The following RBMS3 variants were observed in gnomAD, a reference collection of about 807,000 sequenced individuals.
RBMS3 encodes the protein RNA-binding motif, single-stranded-interacting protein 3.
RBMS3 carries 27 observed loss-of-function variants against 66.8 expected under a neutral mutation model. The ratio of observed to expected loss-of-function variants is 0.40; its 90% CI spans 0.30 to 0.56. The LOEUF is 0.56. RBMS3 is among the 20% of genes least tolerant of loss of function. The pLI is 0.40. For missense variants in RBMS3, 513 were observed against 549.5 expected, an observed-to-expected ratio of 0.93 and a Z score of 0.66; for synonymous variants, 188 against 183.0, an observed-to-expected ratio of 1.03 and a Z score of -0.22.
At chr3:29,918,861 A>G (rs1341003682) in intron 10 of RBMS3, among the ~76,000 whole-genome samples, 3 of 152,066 alleles carry the variant, frequency 2.0e-5, no homozygotes, top group Non-Finnish European at 2.9e-5. Flanking sequence ...TAAGTCTAAA[A>G]GATCAAAGAA....
chr3:29,559,510 C>CAAAAAAAA lies in RBMS3; in HGVS notation c.308-27568_308-27561dup. On this transcript the variant is annotated intron_variant, in intron 3 of 14. Coordinates refer to ENST00000383767, the MANE Select transcript of RBMS3 (RefSeq NM_001003793.3). ...TGGGTGACAGAGGAAGACTCTGTCT[C>CAAAAAAAA]AAAAAAAAAAAAAAAAAAAAAAAAA... 2.0e-3 allele frequency among the ~76,000 whole-genome samples: 81 copies of CAAAAAAAA among 41,328 alleles called. 9 individuals are homozygous for CAAAAAAAA. The highest frequency in any genetic ancestry group is 3.1e-3 in the African/African-American group (42 of 13,390). 27.1% of individuals were successfully genotyped at this position (41,328 alleles called of 152,430 possible).
At chr3:29,316,807 G>A (rs1304125393) in intron 1 of RBMS3, among the ~76,000 whole-genome samples, 1 of 151,620 alleles carries the variant, frequency 6.6e-6, no homozygotes, top group East Asian at 1.9e-4. Context: ...TTGTGTAAGT[G>A]GTGATGTGGC....
intron 12 of RBMS3, among the ~76,000 whole-genome samples, chr3:29,968,250 C>T (rs996020826): frequency 2.0e-5 from 3 of 152,190 alleles, no homozygotes; most frequent in African/African-American, 7.2e-5. Flanking sequence ...GGCTTGAAAA[C>T]TTGCCCGAGG....
chr3:29,330,537 C>G (rs1426578045), intron 1 of RBMS3, among the ~76,000 whole-genome samples: 2 of 149,670 alleles, frequency 1.3e-5, no homozygotes, highest in East Asian at 2.0e-4. Context: ...TATAAAAAAT[C>G]CATTCTGGGT....
intron 12 of RBMS3, among the ~76,000 whole-genome samples, chr3:29,983,003 G>C (rs1465694824): frequency 6.6e-6 from 1 of 152,110 alleles, no homozygotes; most frequent in Non-Finnish European, 1.5e-5. Flanking sequence ...TATTGACAGT[G>C]GAGTATTAAA....
chr3:29,678,989 C>A (rs947393412), intron 4 of RBMS3, among the ~76,000 whole-genome samples: 3 of 152,058 alleles, frequency 2.0e-5, no homozygotes, highest in African/African-American at 7.2e-5. Flanking sequence ...TTCCTGACAA[C>A]CATTTAGTAT....
chr3:29,810,318 A>G (rs2057694328), intron 6 of RBMS3, among the ~76,000 whole-genome samples: 1 of 152,148 alleles, frequency 6.6e-6, no homozygotes. Flanking sequence ...AAGAAATTAA[A>G]CTAATTATGT....
At chr3:29,894,364 T>G (rs546422382) in intron 8 of RBMS3, among the ~76,000 whole-genome samples, 4 of 151,462 alleles carry the variant, frequency 2.6e-5, no homozygotes, top group African/African-American at 7.2e-5. Context: ...AATACAGACA[T>G]GCACCACCAT....
intron 4 of RBMS3, among the ~76,000 whole-genome samples, chr3:29,624,453 T>C (rs2048984218): frequency 6.6e-6 from 1 of 152,128 alleles, no homozygotes; most frequent in Non-Finnish European, 1.5e-5. Context: ...TAATTGAAAA[T>C]TTACTTTTGA....
chr3:29,867,028 A>T (rs1009519165), intron 6 of RBMS3, among the ~76,000 whole-genome samples: 3 of 152,134 alleles, frequency 2.0e-5, no homozygotes, highest in Non-Finnish European at 4.4e-5. Context: ...TCCCTCCAGT[A>T]CTGATAAACA....
chr3:29,847,050 G>C (rs2058799749), intron 6 of RBMS3, among the ~76,000 whole-genome samples: 1 of 152,140 alleles, frequency 6.6e-6, no homozygotes, highest in African/African-American at 2.4e-5. Flanking sequence ...ACGATAACAA[G>C]GTAATGAAGA....
chr3:29,463,681 C>T (rs1044982064), intron 2 of RBMS3, among the ~76,000 whole-genome samples: 11 of 150,368 alleles, frequency 7.3e-5, no homozygotes, highest in Non-Finnish European at 1.6e-4. Context: ...TATAGCACTA[C>T]TCTGGGTCCT....
intron 9 of RBMS3, among the ~76,000 whole-genome samples, chr3:29,898,736 C>CGTGCGTGTGTGTGT (rs1553695571): frequency 7.0e-6 from 1 of 142,532 alleles, no homozygotes; most frequent in African/African-American, 2.6e-5. Context: ...TTGTAATGTG[C>CGTGCGTGTGTGTGT]GTGTGTGTGT....
At chr3:29,796,223 C>G (rs1456129479) in intron 6 of RBMS3, among the ~76,000 whole-genome samples, 1 of 152,174 alleles carries the variant, frequency 6.6e-6, no homozygotes, top group Non-Finnish European at 1.5e-5. Context: ...CTCTGCCTCC[C>G]AAAGTACTGA....
chr3:29,420,638 G>A (rs544825189), intron 1 of RBMS3, among the ~76,000 whole-genome samples: 3 of 147,748 alleles, frequency 2.0e-5, no homozygotes, highest in Admixed American at 6.7e-5. Flanking sequence ...TTTTTTTCTC[G>A]CAGAGTTTCA....
intron 1 of RBMS3, among the ~76,000 whole-genome samples, chr3:29,287,201 A>G (rs1575470724): frequency 6.6e-6 from 1 of 152,140 alleles, no homozygotes; most frequent in African/African-American, 2.4e-5. Flanking sequence ...ACGGAAACAG[A>G]CATATAATAC....
At chr3:29,527,199 A>T (rs1244115357) in intron 3 of RBMS3, among the ~76,000 whole-genome samples, 4 of 150,676 alleles carry the variant, frequency 2.7e-5, no homozygotes, top group Admixed American at 6.6e-5. Context: ...AAAAAAAAAA[A>T]AAAAAAAAAA....
In RBMS3 at chr3:30,004,963, T is replaced by C. The variant is rs1409141194; in HGVS notation, c.*1101T>C. 6.6e-6 allele frequency: 1 copy of C among 150,472 alleles called. No homozygotes were observed. The highest frequency in any genetic ancestry group is 2.0e-4 in the East Asian group (1 of 5,106). The allele number at this position is 150,472 out of a possible 1,614,324, so 9.3% of individuals were successfully genotyped here. A position where few individuals can be genotyped will look rare whatever the true frequency, so the allele number is the denominator to read the frequency against. On this transcript the variant is annotated 3_prime_UTR_variant, in exon 15 of 15. Transcript: ENST00000383767. ...AAAAAAACAAAAAAAAAGCAATAGA[T>C]AGAGAAATTGTTGACAATTTCTGTA...
chr3:29,970,739 C>G (rs1000027995), intron 12 of RBMS3, among the ~76,000 whole-genome samples: 3 of 152,108 alleles, frequency 2.0e-5, no homozygotes, highest in Admixed American at 2.0e-4. Context: ...TCTCTTTATT[C>G]TAGGTTGATT....
Sources: gnomAD v4.1 joint callset for allele counts (sites outside exome capture counted in the v4.1 genomes callset) on GRCh38, gnomAD v4.1.1 for gene constraint, MANE v1.5 for transcripts, NCBI Gene and HGNC (gene_info 2026-07-23, HGNC 2026-07-21) for gene names.